The following EFR3A variants were observed in gnomAD, a reference collection of about 807,000 sequenced individuals.
EFR3A encodes the protein protein EFR3 homolog A.
EFR3A carries 76 observed loss-of-function variants against 104.4 expected under a neutral mutation model. The observed-to-expected ratio is 0.73, with a 90% CI of 0.60 to 0.88. The LOEUF is 0.88. EFR3A is among the 40% of genes least tolerant of loss of function. EFR3A has a pLI of 0.00. For missense variants in EFR3A, 985 were observed against 1,012.5 expected (o/e 0.97, Z 0.37); for synonymous variants, 330 against 330.0 (o/e 1.00, Z 0.00).
At chr8:131,905,393 A>G (rs1816203308) in intron 1 of EFR3A, among the ~76,000 whole-genome samples, 1 of 152,202 alleles carries the variant, frequency 6.6e-6, no homozygotes, top group Non-Finnish European at 1.5e-5. Flanking sequence ...TTGATATTAT[A>G]AAGATTGATA....
chr8:131,906,777 C>T (rs1401958182), intron 1 of EFR3A, among the ~76,000 whole-genome samples: 1 of 152,196 alleles, frequency 6.6e-6, no homozygotes, highest in Non-Finnish European at 1.5e-5. Flanking sequence ...TAGTCTGAAA[C>T]AATCCTTAGG....
chr8:131,979,720 G>A (rs1820512553), intron 14 of EFR3A, among the ~76,000 whole-genome samples: 1 of 152,056 alleles, frequency 6.6e-6, no homozygotes, highest in East Asian at 1.9e-4. Context: ...CACACGTACT[G>A]ATTCCTCTTT....
At chr8:131,973,444 G>C (rs1173188772) in intron 10 of EFR3A, among the ~76,000 whole-genome samples, 1 of 151,892 alleles carries the variant, frequency 6.6e-6, no homozygotes, top group Non-Finnish European at 1.5e-5. Flanking sequence ...TGTTTCTTAA[G>C]TATTATAAAA....
intron 1 of EFR3A, among the ~76,000 whole-genome samples, chr8:131,922,202 T>C (rs1304662802): frequency 6.6e-6 from 1 of 152,172 alleles, no homozygotes; most frequent in Non-Finnish European, 1.5e-5. Context: ...CTTATAAGGA[T>C]ACCAGTCATT....
chr8:131,918,155 C>T (rs780581219), intron 1 of EFR3A, among the ~76,000 whole-genome samples: 4 of 152,038 alleles, frequency 2.6e-5, no homozygotes, highest in South Asian at 2.1e-4. Flanking sequence ...GGCGTGGTGG[C>T]GCATGCCTGC....
At chr8:131,992,522 G>A (rs1047661991) in intron 18 of EFR3A, among the ~76,000 whole-genome samples, 4 of 152,082 alleles carry the variant, frequency 2.6e-5, no homozygotes, top group Admixed American at 6.6e-5. Flanking sequence ...TGTACATGAC[G>A]GTAGTACAAG....
At position 132,005,644 on chromosome 8, in the gene EFR3A, G is replaced by A. The variant is rs73349395; in HGVS notation, c.2360+2359G>A. Among the ~76,000 whole-genome samples, 523 of 152,070 alleles carry A rather than the reference G, an allele frequency of 3.4e-3. 5 individuals are homozygous for A. The highest frequency in any genetic ancestry group is 0.012 in the African/African-American group (500 of 41,474). The stretch of plus-strand genomic sequence containing the variant: ...TGTGACATTGCTTATTCTCACGATC[G>A]TCTCCTGTTTCTTTGCATTATAATT... On this transcript the variant is annotated intron_variant, in intron 22 of 22. Coordinates refer to ENST00000254624, the MANE Select transcript of EFR3A (RefSeq NM_015137.6).
chr8:131,966,051 G>C (rs1432589677), intron 8 of EFR3A, among the ~76,000 whole-genome samples: 2 of 152,058 alleles, frequency 1.3e-5, no homozygotes, highest in Admixed American at 6.6e-5. Context: ...TCACACACTG[G>C]GGCCTGTTGT....
chr8:131,920,205 C>T (rs1378784008), intron 1 of EFR3A, among the ~76,000 whole-genome samples: 1 of 152,090 alleles, frequency 6.6e-6, no homozygotes, highest in East Asian at 1.9e-4. Context: ...GTGCACAGTG[C>T]ACTGTGGGTG....
chr8:132,003,359 G>T (rs2130808027), intron 22 of EFR3A, 74 bp downstream of exon 22: 1 of 1,323,534 alleles, frequency 7.6e-7, no homozygotes, highest in Non-Finnish European at 1.1e-6. Flanking sequence ...ATGAATTTGT[G>T]GTTCATTATG....
chr8:131,992,180 T>C (rs1254291506), intron 18 of EFR3A, among the ~76,000 whole-genome samples: 1 of 152,188 alleles, frequency 6.6e-6, no homozygotes, highest in Non-Finnish European at 1.5e-5. Context: ...CTAGATGCTA[T>C]AAGCAGATCA....
intron 2 of EFR3A, among the ~76,000 whole-genome samples, 159 bp from the exon 3 acceptor site, chr8:131,944,586 A>G (rs1049468790): frequency 3.3e-5 from 5 of 152,076 alleles, no homozygotes; most frequent in African/African-American, 1.2e-4. Flanking sequence ...TGTATCCATC[A>G]TGGTGAATGT....
chr8:132,001,035 G>C (rs1821759300), intron 19 of EFR3A: 1 of 152,172 alleles, frequency 6.6e-6, no homozygotes, highest in Non-Finnish European at 1.5e-5. Flanking sequence ...TTTTTATTCA[G>C]AGATACTATA....
chr8:131,917,743 G>T (rs1033876964), intron 1 of EFR3A, among the ~76,000 whole-genome samples: 1 of 152,080 alleles, frequency 6.6e-6, no homozygotes, highest in African/African-American at 2.4e-5. Flanking sequence ...CAGGTTCTTT[G>T]TGTATAATGC....
At chr8:132,005,118 A>G (rs893939703) in intron 22 of EFR3A, among the ~76,000 whole-genome samples, 3 of 152,218 alleles carry the variant, frequency 2.0e-5, no homozygotes, top group Non-Finnish European at 4.4e-5. Flanking sequence ...ACAAACAGAT[A>G]GTGATTATTC....
chr8:131,951,802 C>T (rs902921475), intron 5 of EFR3A, among the ~76,000 whole-genome samples: 15 of 152,072 alleles, frequency 9.9e-5, no homozygotes, highest in Non-Finnish European at 1.8e-4. Context: ...TATTTGAATT[C>T]CTGTAAAACA....
At chr8:131,946,781 T>C in intron 4 of EFR3A, 148 bp downstream of exon 4, 1 of 742,744 alleles carries the variant, frequency 1.3e-6, no homozygotes, top group Non-Finnish European at 1.9e-6. Context: ...TAGAATACTT[T>C]GCCTCTCAGT....
At chr8:131,929,539 G>T (rs1429530580) in intron 1 of EFR3A, among the ~76,000 whole-genome samples, 1 of 152,090 alleles carries the variant, frequency 6.6e-6, no homozygotes, top group Non-Finnish European at 1.5e-5. Context: ...AGCAACCTGT[G>T]ATAGTTGTTA....
At chr8:131,931,445 CTG>C (rs1339250822) in intron 1 of EFR3A, among the ~76,000 whole-genome samples, 1 of 152,062 alleles carries the variant, frequency 6.6e-6, no homozygotes, top group African/African-American at 2.4e-5. Flanking sequence ...TACCCCAAGA[CTG>C]AGGGTAAATC....
Sources: allele counts gnomAD v4.1 joint callset (sites outside exome capture counted in the v4.1 genomes callset), GRCh38; gene constraint gnomAD v4.1.1; transcripts MANE v1.5; gene names NCBI Gene and HGNC (gene_info 2026-07-23, HGNC 2026-07-21).